The following SETD3 variants were observed in gnomAD, a reference collection of about 807,000 sequenced individuals.
SETD3 encodes the protein actin-histidine N-methyltransferase.
Under a neutral mutation model 63.0 loss-of-function variants are expected in SETD3, and 19 were observed. The observed-to-expected ratio is 0.30, with a 90% CI of 0.21 to 0.44. SETD3 has a LOEUF of 0.44. SETD3 is among the 20% of genes least tolerant of loss of function. The pLI is 1.00. For missense variants in SETD3, 587 were observed against 728.5 expected, an observed-to-expected ratio of 0.81 and a Z score of 2.24; for synonymous variants, 286 against 264.1, an observed-to-expected ratio of 1.08 and a Z score of -0.80.
At chr14:99,447,954 G>C (rs912669608) in intron 6 of SETD3, among the ~76,000 whole-genome samples, 38 of 152,322 alleles carry the variant, frequency 2.5e-4, no homozygotes, top group African/African-American at 8.7e-4. Context: ...AGTCAGCAGG[G>C]CCACACCCAG....
intron 6 of SETD3, among the ~76,000 whole-genome samples, chr14:99,414,503 C>A (rs1198341291): frequency 6.6e-6 from 1 of 152,222 alleles, no homozygotes; most frequent in Non-Finnish European, 1.5e-5. Flanking sequence ...CACGGAAAAT[C>A]AGGAGAAGTG....
chr14:99,409,512 A>G (rs1438242088), intron 8 of SETD3, among the ~76,000 whole-genome samples: 2 of 152,162 alleles, frequency 1.3e-5, no homozygotes, highest in Non-Finnish European at 2.9e-5. Flanking sequence ...CACACCACTC[A>G]CATCTGTGGC....
chr14:99,420,950 G>C (rs987112231), intron 6 of SETD3, among the ~76,000 whole-genome samples: 2 of 60,926 alleles, frequency 3.3e-5, no homozygotes, highest in African/African-American at 7.7e-5. Flanking sequence ...GCGAGGGCGG[G>C]GGGGGGGGGG....
intron 1 of SETD3, among the ~76,000 whole-genome samples, chr14:99,477,650 G>A (rs1171538221): frequency 6.6e-6 from 1 of 151,458 alleles, no homozygotes; most frequent in Non-Finnish European, 1.5e-5. Flanking sequence ...GCTGCTCAGA[G>A]GCTGAGGCAA....
chr14:99,421,438 C>T (rs565082850), intron 6 of SETD3, among the ~76,000 whole-genome samples: 2 of 151,776 alleles, frequency 1.3e-5, no homozygotes, highest in East Asian at 3.9e-4. Context: ...TAGTTGTAAT[C>T]AGTAGTAGTA....
intron 6 of SETD3, among the ~76,000 whole-genome samples, chr14:99,457,064 T>A (rs187142848): frequency 2.1e-4 from 32 of 152,318 alleles, no homozygotes; most frequent in African/African-American, 7.5e-4. Flanking sequence ...GATATACCAT[T>A]GAGAACTAAG....
intron 1 of SETD3, among the ~76,000 whole-genome samples, chr14:99,471,861 G>T (rs1895723560): frequency 6.6e-6 from 1 of 152,160 alleles, no homozygotes; most frequent in Non-Finnish European, 1.5e-5. Context: ...ATGGGCACTT[G>T]TGACCAAGGA....
At chr14:99,400,554 A>G (rs1427576590) in intron 11 of SETD3, among the ~76,000 whole-genome samples, 1 of 152,166 alleles carries the variant, frequency 6.6e-6, no homozygotes, top group African/African-American at 2.4e-5. Flanking sequence ...GTTTCACAAG[A>G]TACTTTTTAA....
intron 6 of SETD3, chr14:99,444,215 AT>A (rs1196673437): frequency 6.6e-6 from 1 of 152,238 alleles, no homozygotes. Flanking sequence ...GGGATCTGCC[AT>A]TCACAAGGCT....
chr14:99,427,228 T>C (rs1046496269), intron 6 of SETD3, among the ~76,000 whole-genome samples: 1 of 152,228 alleles, frequency 6.6e-6, no homozygotes, highest in Non-Finnish European at 1.5e-5. Context: ...TACCTTTGTA[T>C]TACGAAACAG....
At chr14:99,456,433 GT>G (rs1217429055) in intron 6 of SETD3, among the ~76,000 whole-genome samples, 2 of 152,080 alleles carry the variant, frequency 1.3e-5, no homozygotes, top group Non-Finnish European at 2.9e-5. Context: ...AAAAAGATTA[GT>G]GCTCTAAGAA....
At chr14:99,458,580 T>C (rs1409787677) in intron 5 of SETD3, 45 bp from the exon 6 acceptor site, 2 of 1,572,154 alleles carry the variant, frequency 1.3e-6, no homozygotes, top group East Asian at 4.5e-5. Context: ...ACAAACTTCT[T>C]AAAAACTTCA....
intron 6 of SETD3, among the ~76,000 whole-genome samples, chr14:99,414,142 G>A (rs1892159455): frequency 6.6e-6 from 1 of 152,232 alleles, no homozygotes; most frequent in South Asian, 2.1e-4. Flanking sequence ...CCCAGCAGCC[G>A]CCATAAATCT....
chr14:99,407,062 A>C (rs1891721869), intron 8 of SETD3, among the ~76,000 whole-genome samples: 1 of 152,254 alleles, frequency 6.6e-6, no homozygotes, highest in African/African-American at 2.4e-5. Flanking sequence ...ATAAAGAATC[A>C]GGGAAAAGAA....
intron 6 of SETD3, among the ~76,000 whole-genome samples, chr14:99,429,912 TTGAAACAGA>T (rs1319371334): frequency 1.3e-5 from 2 of 152,228 alleles, no homozygotes; most frequent in Non-Finnish European, 2.9e-5. Flanking sequence ...TTTTCATTCT[TTGAAACAGA>T]TGAAAACTGT....
chr14:99,434,621 G>A (rs1175746874), intron 6 of SETD3, among the ~76,000 whole-genome samples: 2 of 152,076 alleles, frequency 1.3e-5, no homozygotes, highest in African/African-American at 4.8e-5. Flanking sequence ...GCCAAGGTGG[G>A]CAGATCACCT....
chr14:99,440,693 G>C (rs904976710), intron 6 of SETD3, among the ~76,000 whole-genome samples: 3 of 151,896 alleles, frequency 2.0e-5, no homozygotes, highest in Non-Finnish European at 4.4e-5. Context: ...AGAGCTCTCG[G>C]CATCTGTGGG....
intron 5 of SETD3, among the ~76,000 whole-genome samples, chr14:99,458,892 C>G (rs1008498974): frequency 2.6e-5 from 4 of 151,800 alleles, no homozygotes; most frequent in African/African-American, 9.7e-5. Context: ...GTACTCCAGC[C>G]TAGGTGACAA....
intron 2 of SETD3, among the ~76,000 whole-genome samples, chr14:99,463,810 A>AAG (rs1895216117): frequency 6.7e-6 from 1 of 149,666 alleles, no homozygotes; most frequent in Non-Finnish European, 1.5e-5. Context: ...TAACGTACCC[A>AAG]AGAGAGAGCA....
Sources: gnomAD v4.1 joint callset for allele counts (sites outside exome capture counted in the v4.1 genomes callset) on GRCh38, gnomAD v4.1.1 for gene constraint, MANE v1.5 for transcripts, NCBI Gene and HGNC (gene_info 2026-07-23, HGNC 2026-07-21) for gene names.